Variants in CCZ1B observed in about 807,000 individuals in gnomAD.
CCZ1B encodes the protein CCZ1B vacuolar protein trafficking and biogenesis associated, also known as vacuolar fusion protein CCZ1 homolog B.
In CCZ1B, 25 loss-of-function variants were observed where a neutral mutation model predicts 58.8. That is an observed-to-expected ratio of 0.43 (90% CI 0.31 to 0.59). CCZ1B has a LOEUF of 0.59. CCZ1B is among the 20% of genes least tolerant of loss of function. The pLI, the probability that CCZ1B is intolerant of heterozygous loss-of-function variation, is 0.12. For missense variants in CCZ1B, 180 were observed against 501.5 expected, an observed-to-expected ratio of 0.36 and a Z score of 6.12; for synonymous variants, 66 against 173.2, an observed-to-expected ratio of 0.38 and a Z score of 4.86.
chr7:6,824,961 G>A (rs531361908), intron 1 of CCZ1B, among the ~76,000 whole-genome samples: 1 of 149,016 alleles, frequency 6.7e-6, no homozygotes, highest in Non-Finnish European at 1.5e-5. Context: ...GCAACACAGT[G>A]AGACGTCTCT....
At chr7:6,821,188 T>C (rs1783104628) in intron 6 of CCZ1B, among the ~76,000 whole-genome samples, 2 of 149,790 alleles carry the variant, frequency 1.3e-5, no homozygotes, top group Admixed American at 1.3e-4. Flanking sequence ...TTTTGGTATT[T>C]TTTAGTAGAG....
chr7:6,816,938 A>AT (rs139199192), intron 7 of CCZ1B, among the ~76,000 whole-genome samples: 9,832 of 136,682 alleles, frequency 0.072, 133 homozygotes, highest in East Asian at 0.24. Context: ...TTTTTTTTGC[A>AT]TTTTTTGTAG....
At chr7:6,821,416 C>A (rs1261802656) in intron 6 of CCZ1B, among the ~76,000 whole-genome samples, 1 of 152,268 alleles carries the variant, frequency 6.6e-6, no homozygotes, top group Non-Finnish European at 1.5e-5. Context: ...AGAACAGAAA[C>A]CAGGAGATAA....
chr7:6,811,704 G>A, intron 10 of CCZ1B: 1 of 394,762 alleles, frequency 2.5e-6, no homozygotes, highest in Non-Finnish European at 4.7e-6. Context: ...GAGAGCACGT[G>A]AGACTTCACA....
chr7:6,815,836 C>T (rs1782991363), intron 7 of CCZ1B, among the ~76,000 whole-genome samples: 1 of 148,074 alleles, frequency 6.8e-6, no homozygotes, highest in South Asian at 2.1e-4. Context: ...TCCAAAGCCA[C>T]ACTGTTTCAT....
At chr7:6,818,735 GA>G (rs1243239423) in intron 7 of CCZ1B, among the ~76,000 whole-genome samples, 1 of 142,196 alleles carries the variant, frequency 7.0e-6, no homozygotes, top group Admixed American at 7.0e-5. Flanking sequence ...AAGAAAGAAA[GA>G]AAGAGGGCTC....
At chr7:6,818,377 T>C (rs1317253498) in intron 7 of CCZ1B, among the ~76,000 whole-genome samples, 1 of 149,220 alleles carries the variant, frequency 6.7e-6, no homozygotes, top group Admixed American at 6.7e-5. Flanking sequence ...GGTAAAACCC[T>C]GTCTGTACTG....
chr7:6,813,269 A>G lies in CCZ1B; in HGVS notation c.781-232T>C, dbSNP rs1782946262. Among the ~76,000 whole-genome samples the G allele has an allele frequency of 1.3e-5, 2 of 149,424 alleles. 1 individual carries two copies. Among genetic ancestry groups the G allele is most frequent in the African/African-American group, 5.1e-5 (2 of 39,564 alleles). On this transcript the variant is annotated intron_variant, in intron 8 of 14. Coordinates refer to ENST00000316731, the MANE Select transcript of CCZ1B (RefSeq NM_198097.5). ...CCCACCTCAGCCTCCTGATAGAGGC[A>G]TGTGTGACCAAACCTGGCTAGTTTT...
intron 10 of CCZ1B, among the ~76,000 whole-genome samples, chr7:6,809,757 TGGC>T: frequency 7.1e-6 from 1 of 140,824 alleles, no homozygotes; most frequent in Non-Finnish European, 1.5e-5. Flanking sequence ...CTTTTTATCT[TGGC>T]GGCTTGAACC....
At chr7:6,821,642 C>T (rs1351266194) in intron 6 of CCZ1B, among the ~76,000 whole-genome samples, 1 of 151,632 alleles carries the variant, frequency 6.6e-6, no homozygotes, top group Non-Finnish European at 1.5e-5. Flanking sequence ...AACCCCAGCA[C>T]TTTGGGAGGC....
intron 7 of CCZ1B, among the ~76,000 whole-genome samples, chr7:6,815,110 T>C (rs1013063776): frequency 7.4e-5 from 11 of 149,316 alleles, no homozygotes; most frequent in Non-Finnish European, 8.9e-5. Flanking sequence ...TTTGTCAAAC[T>C]TTTCCAAAGA....
chr7:6,811,763 A>C, intron 10 of CCZ1B, 189 bp downstream of exon 10: 17 of 763,404 alleles, frequency 2.2e-5, no homozygotes, highest in Non-Finnish European at 3.4e-5. Flanking sequence ...TAATAACAGA[A>C]CTGTTTAAAA....
At chr7:6,812,416 G>C (rs1270435336) in intron 9 of CCZ1B, 4 of 315,562 alleles carry the variant, frequency 1.3e-5, no homozygotes, top group Non-Finnish European at 1.8e-5. Flanking sequence ...TTGAACCCAG[G>C]AGATGGAGGC....
chr7:6,817,828 C>A (rs1176400915), intron 7 of CCZ1B, among the ~76,000 whole-genome samples: 3 of 149,242 alleles, frequency 2.0e-5, no homozygotes, highest in Non-Finnish European at 4.4e-5. Flanking sequence ...GCCTGGCCAA[C>A]ATGGTAAAAC....
chr7:6,799,462 C>T (rs1330884185), intron 14 of CCZ1B, 183 bp from the exon 15 acceptor site: 29 of 232,598 alleles, frequency 1.2e-4, no homozygotes, highest in Admixed American at 9.0e-5. Flanking sequence ...GAGTCTTGCT[C>T]TGTCACCCAG....
chr7:6,811,354 C>T (rs1368315727), intron 10 of CCZ1B, among the ~76,000 whole-genome samples: 10 of 145,598 alleles, frequency 6.9e-5, no homozygotes, highest in African/African-American at 2.4e-4. Context: ...ACTCCCTCAT[C>T]CTGACACATC....
chr7:6,818,507 C>G (rs1783045066), intron 7 of CCZ1B, among the ~76,000 whole-genome samples: 2 of 148,660 alleles, frequency 1.3e-5, no homozygotes, highest in Non-Finnish European at 3.0e-5. Flanking sequence ...CAAGATCGCG[C>G]CACTGTACTC....
rs1488381273 is a variant in CCZ1B at position 6,823,572 on chromosome 7, G to A, written c.391-212C>T. 4.4e-5 allele frequency among the ~76,000 whole-genome samples: 6 copies of A among 135,738 alleles called. 1 individual carries two copies. Among genetic ancestry groups the A allele is most frequent in the East Asian group, 2.1e-4 (1 of 4,794 alleles). The allele number at this position is 135,738 out of a possible 152,430, so 89.0% of individuals were successfully genotyped here. On this transcript the variant is annotated intron_variant, in intron 4 of 14. Coordinates refer to ENST00000316731, the MANE Select transcript of CCZ1B (RefSeq NM_198097.5). ...CTCGCTCTGTTGTCCAGGCTGGAGC[G>A]CAGTGGTACAATCCTGGCTCACTGC...
chr7:6,807,280 C>CT (rs1472609048), intron 10 of CCZ1B: 2 of 119,744 alleles, frequency 1.7e-5, no homozygotes, highest in Non-Finnish European at 3.5e-5. Flanking sequence ...TGAGCTGAGA[C>CT]TGTGCCACTG....
Sources: gnomAD v4.1 joint callset for allele counts (sites outside exome capture counted in the v4.1 genomes callset) on GRCh38, gnomAD v4.1.1 for gene constraint, MANE v1.5 for transcripts, NCBI Gene and HGNC (gene_info 2026-07-23, HGNC 2026-07-21) for gene names.